The following ENTHD1 variants were observed in gnomAD, a reference collection of about 807,000 sequenced individuals.
The protein encoded by ENTHD1 is ENTH domain containing 1.
A neutral mutation model predicts 39.1 loss-of-function variants in ENTHD1; 23 were observed. That is an observed-to-expected ratio of 0.59 (90% CI 0.42 to 0.83). ENTHD1 has a LOEUF of 0.83. Among genes scored for constraint, ENTHD1 ranks in the 40% least tolerant of loss-of-function variants. The pLI is 0.00. For missense variants in ENTHD1, 624 were observed against 705.4 expected, an observed-to-expected ratio of 0.88 and a Z score of 1.31; for synonymous variants, 230 against 258.2, an observed-to-expected ratio of 0.89 and a Z score of 1.05.
chr22:39,809,493 G>A (rs77731676), intron 5 of ENTHD1, among the ~76,000 whole-genome samples: 11,175 of 152,220 alleles, frequency 0.073, 458 homozygotes, highest in South Asian at 0.12. Context: ...GAATGAGAGC[G>A]TGAGAATGTG....
At chr22:39,784,487 G>C (rs2065437693) in intron 5 of ENTHD1, among the ~76,000 whole-genome samples, 2 of 151,108 alleles carry the variant, frequency 1.3e-5, no homozygotes, top group South Asian at 4.2e-4. Context: ...CCAACATATA[G>C]AATCAACCTA....
rs113681710 is a variant in ENTHD1 at position 39,861,778 on chromosome 22, C to G, written c.579G>C (p.Arg193Ser). ...CATTATACGTACTTTTATTATGTAACCTTCCAAACTTAGGAAGCTTATACT... is the reference window on the plus strand; with the variant it reads ...CATTATACGTACTTTTATTATGTAAGCTTCCAAACTTAGGAAGCTTATACT... Reference protein sequence around the residue: ...EKKYKLPKFGRLHNKRNVCKA... With the variant: ...EKKYKLPKFGSLHNKRNVCKA... Residue 193 changes from arginine (R) to serine (S), a missense_variant, in exon 3 of 7, where the codon AGG (arginine) becomes AGC (serine). Physicochemically the swap from Arg to Ser is moderately radical, Grantham distance 110. Transcript: ENST00000325157. The G allele has an allele frequency of 5.0e-5, 77 of 1,542,964 alleles. No homozygotes were observed. The African/African-American group carries it at 7.1e-4, about 14-fold the overall frequency.
chr22:39,859,804 G>A lies in ENTHD1; in HGVS notation c.592+1961C>T, dbSNP rs117674614. Among the ~76,000 whole-genome samples the A allele has an allele frequency of 5.3e-5, 8 of 152,326 alleles. No individual in the cohort carries two copies. The East Asian group carries it at 1.2e-3, about 22-fold the overall frequency. ...TGACACAGACACAAAGTATGCACATGCTATCAGAAAAATGGTGCCAATAAA... is the reference window on the plus strand; with the variant it reads ...TGACACAGACACAAAGTATGCACATACTATCAGAAAAATGGTGCCAATAAA... On this transcript the variant is annotated intron_variant, in intron 3 of 6. Coordinates refer to ENST00000325157, the MANE Select transcript of ENTHD1 (RefSeq NM_152512.4).
chr22:39,838,167 C>A (rs1040019192), intron 3 of ENTHD1, among the ~76,000 whole-genome samples: 1 of 152,016 alleles, frequency 6.6e-6, no homozygotes, highest in Non-Finnish European at 1.5e-5. Context: ...TGAGTATATT[C>A]GGTTAAATTA....
At chr22:39,872,985 T>C (rs2066256498) in intron 2 of ENTHD1, among the ~76,000 whole-genome samples, 1 of 151,860 alleles carries the variant, frequency 6.6e-6, no homozygotes, top group Non-Finnish European at 1.5e-5. Context: ...TTTCTTTTCT[T>C]TCTTTTTCTT....
At chr22:39,809,596 T>A (rs1453262240) in intron 5 of ENTHD1, among the ~76,000 whole-genome samples, 1 of 152,220 alleles carries the variant, frequency 6.6e-6, no homozygotes, top group Non-Finnish European at 1.5e-5. Flanking sequence ...GGGATGGATC[T>A]ATTACATACA....
At chr22:39,874,903 T>C (rs987279584) in intron 2 of ENTHD1, among the ~76,000 whole-genome samples, 10 of 152,226 alleles carry the variant, frequency 6.6e-5, no homozygotes, top group Non-Finnish European at 4.4e-5. Context: ...AATTCTCATA[T>C]ATTGGTAGTG....
intron 5 of ENTHD1, among the ~76,000 whole-genome samples, chr22:39,788,745 T>C (rs916786052): frequency 6.6e-6 from 1 of 152,140 alleles, no homozygotes; most frequent in African/African-American, 2.4e-5. Context: ...CATCTCATTT[T>C]TTTTAATTGC....
chr22:39,835,745 G>A (rs2065903391), intron 4 of ENTHD1, 95 bp downstream of exon 4: 1 of 821,142 alleles, frequency 1.2e-6, no homozygotes, highest in Non-Finnish European at 1.9e-6. Flanking sequence ...CCCTGGGTCA[G>A]GCTTCTAACC....
At position 39,743,546 on chromosome 22, in the gene ENTHD1, TG is replaced by T. The variant is rs2065075658; in HGVS notation, c.*132del. 9.5e-7 allele frequency: 1 copy of T among 1,056,660 alleles called. No homozygotes were observed. The highest frequency in any genetic ancestry group is 2.1e-5 in the South Asian group (1 of 47,688). 65.5% of individuals were successfully genotyped at this position (1,056,660 alleles called of 1,614,324 possible). On this transcript the variant is annotated 3_prime_UTR_variant, in exon 7 of 7. Transcript: ENST00000325157. The stretch of plus-strand genomic sequence containing the variant: ...TGAAAGTATTAGTTTGAAAGATACT[TG>T]CTAATAAACCTGACAAGGAAAAATT...
At chr22:39,806,438 A>C (rs546572605) in intron 5 of ENTHD1, among the ~76,000 whole-genome samples, 4 of 152,274 alleles carry the variant, frequency 2.6e-5, no homozygotes, top group African/African-American at 9.6e-5. Context: ...TCTTCTTTTA[A>C]AAAGCCATGA....
chr22:39,772,650 A>G (rs1412561432), intron 5 of ENTHD1, among the ~76,000 whole-genome samples: 2 of 152,210 alleles, frequency 1.3e-5, no homozygotes, highest in African/African-American at 4.8e-5. Flanking sequence ...AAAGCCAACC[A>G]TTTCAATAAC....
chr22:39,751,823 A>C (rs1234691034), intron 6 of ENTHD1, among the ~76,000 whole-genome samples: 1 of 152,186 alleles, frequency 6.6e-6, no homozygotes, highest in African/African-American at 2.4e-5. Context: ...GAAGTATTTA[A>C]AGAATCTTGA....
At chr22:39,781,010 A>T (rs1160854759) in intron 5 of ENTHD1, among the ~76,000 whole-genome samples, 1 of 151,882 alleles carries the variant, frequency 6.6e-6, no homozygotes, top group African/African-American at 2.4e-5. Context: ...AAAAAAAAAA[A>T]GCAAACAGTA....
rs765265624 is a variant in ENTHD1, at chr22:39,743,844, C to T, written c.1659G>A (p.Arg553=). 1.2e-6 allele frequency: 2 copies of T among 1,614,072 alleles called. No individual in the cohort carries two copies. The highest frequency in any genetic ancestry group is 8.5e-7 in the Non-Finnish European group (1 of 1,180,018). Residue 553 remains arginine (R), a synonymous_variant, in exon 7 of 7, where the codon AGG becomes AGA. Transcript: ENST00000325157. ...ATCTAGCGATCGCACGTTTTACCTCCCTTAAAAGAACACTAATGGAATTCT... is the reference window on the plus strand; with the variant it reads ...ATCTAGCGATCGCACGTTTTACCTCTCTTAAAAGAACACTAATGGAATTCT... ...EAKNSISVLL[R]EVKRAIARLH...
intron 1 of ENTHD1, among the ~76,000 whole-genome samples, chr22:39,892,284 A>G (rs571303691): frequency 2.8e-4 from 43 of 152,126 alleles, no homozygotes; most frequent in Non-Finnish European, 5.1e-4. Flanking sequence ...CCCCCATTTC[A>G]TCTGAATTCT....
chr22:39,845,096 A>G (rs891412465), intron 3 of ENTHD1, among the ~76,000 whole-genome samples: 5 of 151,946 alleles, frequency 3.3e-5, no homozygotes, highest in Non-Finnish European at 5.9e-5. Flanking sequence ...AAAAGCCCAC[A>G]GACTGCAGCC....
intron 5 of ENTHD1, among the ~76,000 whole-genome samples, chr22:39,803,160 C>G (rs747123850): frequency 3.3e-5 from 5 of 152,108 alleles, no homozygotes; most frequent in African/African-American, 1.2e-4. Context: ...ATGCCATTGC[C>G]CCTGCCTGTC....
chr22:39,887,855 G>T lies in ENTHD1; in HGVS notation c.-107C>A. ...CAGGTAATTGGTCCCCAGTTCTGCTGCTCCCAAATACAAATAATTAATCTC... is the reference window on the plus strand; with the variant it reads ...CAGGTAATTGGTCCCCAGTTCTGCTTCTCCCAAATACAAATAATTAATCTC... On this transcript the variant is annotated 5_prime_UTR_variant, in exon 2 of 7. Coordinates refer to ENST00000325157, the MANE Select transcript of ENTHD1 (RefSeq NM_152512.4). 1 of 710,874 alleles carries T rather than the reference G, an allele frequency of 1.4e-6. No individual in the cohort carries two copies. The highest frequency in any genetic ancestry group is 2.2e-5 in the South Asian group (1 of 44,862). The allele number at this position is 710,874 out of a possible 1,614,324, so 44.0% of individuals were successfully genotyped here.
Sources: gnomAD v4.1 joint callset for allele counts (sites outside exome capture counted in the v4.1 genomes callset) on GRCh38, gnomAD v4.1.1 for gene constraint, MANE v1.5 for transcripts, NCBI Gene and HGNC (gene_info 2026-07-23, HGNC 2026-07-21) for gene names.